Variants in AP2B1 observed in about 807,000 individuals in gnomAD.
AP2B1 encodes AP-2 complex subunit beta.
A neutral mutation model predicts 102.0 loss-of-function variants in AP2B1; 23 were observed. The observed-to-expected ratio is 0.23, with a 90% CI of 0.16 to 0.32. The LOEUF (loss-of-function observed/expected upper bound fraction) is 0.32. Ranked by LOEUF, AP2B1 falls within the 10% of genes least tolerant of loss-of-function variation. The probability of loss-of-function intolerance (pLI) is 1.00; values close to 1 mark genes in which losing one functional copy is unlikely to be tolerated. For missense variants in AP2B1, 541 were observed against 1,157.4 expected, an observed-to-expected ratio of 0.47 and a Z score of 7.73; for synonymous variants, 381 against 421.2, an observed-to-expected ratio of 0.90 and a Z score of 1.17.
intron 13 of AP2B1, among the ~76,000 whole-genome samples, chr17:35,652,804 CCTT>C (rs1425919612): frequency 6.6e-6 from 1 of 152,130 alleles, no homozygotes; most frequent in Non-Finnish European, 1.5e-5. Flanking sequence ...ACCTATTCTA[CCTT>C]CTTTTTAGAC....
intron 12 of AP2B1, among the ~76,000 whole-genome samples, chr17:35,645,149 G>T (rs1222402062): frequency 1.3e-5 from 2 of 152,186 alleles, no homozygotes; most frequent in Non-Finnish European, 2.9e-5. Context: ...TATGGCTAGT[G>T]AGTACCAATT....
At chr17:35,588,031 G>C (rs545451759) in intron 1 of AP2B1, 1 of 151,374 alleles carries the variant, frequency 6.6e-6, no homozygotes, top group East Asian at 2.0e-4. Flanking sequence ...TGTAAGAGAG[G>C]GGGAAGCAAA....
chr17:35,626,611 C>A lies in AP2B1; in HGVS notation c.717-10C>A, dbSNP rs1331565067. On this transcript the variant is annotated splice_polypyrimidine_tract_variant and intron_variant, in intron 6 of 21. Coordinates refer to ENST00000610402, the MANE Select transcript of AP2B1 (RefSeq NM_001030006.2). ...AATTCATGATATTAATTTTCATTCT[C>A]CACCCTCAGCATCTGTGAGCGGGTA... 6.9e-6 allele frequency: 11 copies of A among 1,582,956 alleles called. No individual in the cohort carries two copies. The highest frequency in any genetic ancestry group is 1.7e-5 in the Admixed American group (1 of 59,606).
At chr17:35,673,636 A>G (rs2075638055) in intron 16 of AP2B1, among the ~76,000 whole-genome samples, 1 of 152,240 alleles carries the variant, frequency 6.6e-6, no homozygotes, top group Non-Finnish European at 1.5e-5. Flanking sequence ...ACTATTTACC[A>G]CAAACTATAG....
At chr17:35,620,669 T>G (rs2074149199) in intron 5 of AP2B1, among the ~76,000 whole-genome samples, 1 of 151,926 alleles carries the variant, frequency 6.6e-6, no homozygotes, top group Admixed American at 6.6e-5. Context: ...TTAAGAAACT[T>G]GACTGGGTGT....
chr17:35,668,828 G>A (rs1319591419), intron 14 of AP2B1, among the ~76,000 whole-genome samples: 4 of 152,044 alleles, frequency 2.6e-5, no homozygotes, highest in African/African-American at 9.7e-5. Flanking sequence ...CCAGAGGGAG[G>A]TTCTTCCCTT....
At chr17:35,592,650 C>T (rs932708557) in intron 1 of AP2B1, among the ~76,000 whole-genome samples, 3 of 152,192 alleles carry the variant, frequency 2.0e-5, no homozygotes, top group African/African-American at 7.2e-5. Context: ...CCAAGCGATT[C>T]TCCTGCCTCA....
chr17:35,669,948 G>A (rs1349000173), intron 14 of AP2B1, among the ~76,000 whole-genome samples: 1 of 152,162 alleles, frequency 6.6e-6, no homozygotes, highest in African/African-American at 2.4e-5. Flanking sequence ...AGCTCCATTA[G>A]TTGTGTTTAT....
intron 13 of AP2B1, 94 bp downstream of exon 13, chr17:35,650,883 T>C: frequency 7.0e-7 from 1 of 1,424,682 alleles, no homozygotes; most frequent in South Asian, 1.4e-5. Flanking sequence ...AAAGAACTGC[T>C]GTACATTTTT....
At chr17:35,652,426 TACTC>T (rs760155175) in intron 13 of AP2B1, among the ~76,000 whole-genome samples, 141 of 152,296 alleles carry the variant, frequency 9.3e-4, no homozygotes, top group Non-Finnish European at 1.2e-3. Context: ...GGTTTAAAAA[TACTC>T]ACTTCACTAG....
At chr17:35,692,605 C>T (rs587706332) in intron 18 of AP2B1, among the ~76,000 whole-genome samples, 2 of 152,148 alleles carry the variant, frequency 1.3e-5, no homozygotes, top group African/African-American at 2.4e-5. Flanking sequence ...ATACCCTGCT[C>T]TCATTCATGT....
At chr17:35,652,206 G>A (rs2075104769) in intron 13 of AP2B1, among the ~76,000 whole-genome samples, 1 of 151,994 alleles carries the variant, frequency 6.6e-6, no homozygotes, top group Non-Finnish European at 1.5e-5. Context: ...CCTCCTTTTT[G>A]TCATTTGTGC....
chr17:35,622,561 A>T (rs1016242910), intron 5 of AP2B1, among the ~76,000 whole-genome samples: 1 of 152,222 alleles, frequency 6.6e-6, no homozygotes, highest in African/African-American at 2.4e-5. Context: ...TTATTAAGGG[A>T]CTTCAGTAAG....
At position 35,723,746 on chromosome 17, in the gene AP2B1, C is replaced by A. The variant is rs782158578; in HGVS notation, c.*47C>A. Reference sequence around the variant, plus strand: ...CAACCATGCTGTGATCGGTGCAAGTCAAGAACTCTTAACTGGAAGAAATTG... The same window carrying A: ...CAACCATGCTGTGATCGGTGCAAGTAAAGAACTCTTAACTGGAAGAAATTG... On this transcript the variant is annotated 3_prime_UTR_variant, in exon 22 of 22. Coordinates refer to ENST00000610402, the MANE Select transcript of AP2B1 (RefSeq NM_001030006.2). The A allele has an allele frequency of 6.7e-6, 9 of 1,348,962 alleles. No homozygotes were observed. In the South Asian group the frequency reaches 9.4e-5, roughly 14 times the overall value. 83.6% of individuals were successfully genotyped at this position (1,348,962 alleles called of 1,614,324 possible). A position where few individuals can be genotyped will look rare whatever the true frequency, so the allele number is the denominator to read the frequency against.
intron 18 of AP2B1, among the ~76,000 whole-genome samples, chr17:35,694,515 C>A (rs994029644): frequency 6.6e-6 from 1 of 151,220 alleles, no homozygotes; most frequent in African/African-American, 2.4e-5. Context: ...CCTGCCTTGG[C>A]CTCCCAAAGT....
chr17:35,602,062 T>A (rs1234797245), intron 3 of AP2B1, among the ~76,000 whole-genome samples: 1 of 152,240 alleles, frequency 6.6e-6, no homozygotes, highest in Non-Finnish European at 1.5e-5. Context: ...TATTTCTGTA[T>A]CCTGCAGAAA....
intron 19 of AP2B1, among the ~76,000 whole-genome samples, chr17:35,709,956 G>A (rs1160030930): frequency 6.6e-6 from 1 of 152,152 alleles, no homozygotes; most frequent in African/African-American, 2.4e-5. Flanking sequence ...AGAAATTAAG[G>A]CTCAGAAAGG....
At chr17:35,656,487 C>T (rs1003966463) in intron 13 of AP2B1, among the ~76,000 whole-genome samples, 16 of 152,206 alleles carry the variant, frequency 1.1e-4, no homozygotes, top group African/African-American at 3.9e-4. Flanking sequence ...GTCCATTCTC[C>T]TAACTTCAGT....
intron 1 of AP2B1, among the ~76,000 whole-genome samples, chr17:35,589,595 G>T (rs1160100051): frequency 6.6e-6 from 1 of 152,192 alleles, no homozygotes; most frequent in Non-Finnish European, 1.5e-5. Flanking sequence ...ATATAGTCCT[G>T]TGCAGGGAGG....
Sources: allele counts gnomAD v4.1 joint callset (sites outside exome capture counted in the v4.1 genomes callset), GRCh38; gene constraint gnomAD v4.1.1; transcripts MANE v1.5; gene names NCBI Gene and HGNC (gene_info 2026-07-23, HGNC 2026-07-21).